The following TMPRSS7 variants were observed in gnomAD, a reference collection of about 807,000 sequenced individuals.
TMPRSS7 encodes transmembrane protease serine 7.
A neutral mutation model predicts 95.6 loss-of-function variants in TMPRSS7; 81 were observed. The ratio of observed to expected loss-of-function variants is 0.85; its 90% CI spans 0.71 to 1.02. TMPRSS7 has a LOEUF of 1.02. Among genes scored for constraint, TMPRSS7 ranks in the 50% least tolerant of loss-of-function variants. The pLI is 0.00. For missense variants in TMPRSS7, 945 were observed against 955.2 expected, an observed-to-expected ratio of 0.99 and a Z score of 0.14; for synonymous variants, 364 against 337.8, an observed-to-expected ratio of 1.08 and a Z score of -0.85.
rs531431043 is a variant in TMPRSS7 at position 112,049,707 on chromosome 3, G to T, written c.960-137G>T. ...TGTGGCTACTAATGGATGAGGATCT[G>T]GCTGGGAGAGATTCCCAAGAACTGA... On this transcript the variant is annotated intron_variant, in intron 7 of 17. Transcript: ENST00000452346. 1.1e-4 allele frequency: 74 copies of T among 651,350 alleles called. 1 individual carries two copies. 40.3% of individuals were successfully genotyped at this position (651,350 alleles called of 1,614,324 possible).
Position 112,038,662 on chromosome 3 carries a change from G to A in TMPRSS7, c.298+341G>A, listed in dbSNP as rs77864841. On this transcript the variant is annotated intron_variant, in intron 2 of 17. Coordinates refer to ENST00000452346, the Ensembl canonical transcript of TMPRSS7. ...AACTGGCTAACTTTTAAAGTTTGTT[G>A]TAGAGACAGAGTTCTCACTATGATG... Among the ~76,000 whole-genome samples the A allele has an allele frequency of 5.2e-4, 79 of 152,180 alleles. No homozygotes were observed. The East Asian group carries it at 9.1e-3, about 18-fold the overall frequency.
At chr3:112,063,916 A>T (rs980191079) in intron 12 of TMPRSS7, among the ~76,000 whole-genome samples, 1 of 152,106 alleles carries the variant, frequency 6.6e-6, no homozygotes, top group South Asian at 2.1e-4. Context: ...TCTACTTTTG[A>T]TGGCTCTTTT....
chr3:112,057,514 C>A (rs1056674402), intron 10 of TMPRSS7, among the ~76,000 whole-genome samples: 28 of 152,152 alleles, frequency 1.8e-4, no homozygotes, highest in Non-Finnish European at 4.4e-5. Flanking sequence ...CCCAGTTGGC[C>A]TGGCTGGATC....
chr3:112,037,483 T>C (rs1247110018), intron 1 of TMPRSS7, among the ~76,000 whole-genome samples: 1 of 152,236 alleles, frequency 6.6e-6, no homozygotes, highest in Non-Finnish European at 1.5e-5. Flanking sequence ...AATGACAATG[T>C]GTGCCCAGCA....
intron 9 of TMPRSS7, among the ~76,000 whole-genome samples, chr3:112,051,948 C>G (rs1404734389): frequency 6.6e-6 from 1 of 152,034 alleles, no homozygotes; most frequent in African/African-American, 2.4e-5. Flanking sequence ...TGAATGACTA[C>G]TATGGGCCAG....
intron 9 of TMPRSS7, among the ~76,000 whole-genome samples, chr3:112,051,571 C>G (rs947842790): frequency 4.1e-5 from 6 of 144,852 alleles, no homozygotes; most frequent in African/African-American, 1.7e-4. Flanking sequence ...ATCTATGTAT[C>G]TATCTATCTA....
intron 11 of TMPRSS7, among the ~76,000 whole-genome samples, chr3:112,062,128 A>T (rs1576113756): frequency 6.6e-6 from 1 of 151,716 alleles, no homozygotes; most frequent in Non-Finnish European, 1.5e-5. Flanking sequence ...TTACTACTAT[A>T]CTTTGAATTA....
chr3:112,054,104 A>G (rs1051225637), intron 9 of TMPRSS7, among the ~76,000 whole-genome samples: 2 of 152,200 alleles, frequency 1.3e-5, no homozygotes, highest in African/African-American at 4.8e-5. Context: ...GCTTCTGTGA[A>G]GGAAATATGC....
chr3:112,047,332 G>A (rs2073291603), intron 6 of TMPRSS7: 13 of 600,810 alleles, frequency 2.2e-5, no homozygotes, highest in South Asian at 2.0e-4. Context: ...CCACCAAGCA[G>A]ATCCAAACTT....
At chr3:112,072,355 G>A (rs2073659293) in intron 13 of TMPRSS7, among the ~76,000 whole-genome samples, 1 of 152,204 alleles carries the variant, frequency 6.6e-6, no homozygotes, top group Non-Finnish European at 1.5e-5. Flanking sequence ...TCCCAGAGGG[G>A]CACCCGCCTA....
rs558522935 is a variant in TMPRSS7 at position 112,052,589 on chromosome 3, T to A, written c.1203+1806T>A. ...GGCAGCAGAAATGCAGGGCCTCAGA[T>A]AAGCAGCAAGTCTGAGGAGGAGAGG... is the stretch of plus-strand genomic sequence containing the variant. On this transcript the variant is annotated intron_variant, in intron 9 of 17. Transcript: ENST00000452346. 1.1e-4 allele frequency among the ~76,000 whole-genome samples: 17 copies of A among 152,064 alleles called. No homozygotes were observed. In the South Asian group the frequency reaches 3.3e-3, roughly 30 times the overall value.
exon 9 of TMPRSS7, chr3:112,050,729 C>T (rs1387955610): frequency 6.2e-7 from 1 of 1,604,372 alleles, no homozygotes; most frequent in Non-Finnish European, 8.5e-7. Context: ...AAATTTCAAG[C>T]CCATATTACC....
intron 4 of TMPRSS7, 84 bp downstream of exon 4, chr3:112,044,406 A>G: frequency 1.7e-6 from 2 of 1,164,350 alleles, no homozygotes; most frequent in Non-Finnish European, 2.5e-6. Flanking sequence ...AGATTCCACC[A>G]TTCCCAAGTA....
At chr3:112,067,905 C>T (rs2073596115) in intron 13 of TMPRSS7, among the ~76,000 whole-genome samples, 6 of 152,160 alleles carry the variant, frequency 3.9e-5, no homozygotes, top group Admixed American at 3.9e-4. Flanking sequence ...AGTCCTTGCC[C>T]ATGCCTATGT....
chr3:112,063,086 C>T (rs1424610345), intron 11 of TMPRSS7, among the ~76,000 whole-genome samples: 1 of 152,196 alleles, frequency 6.6e-6, no homozygotes, highest in East Asian at 1.9e-4. Flanking sequence ...TTAAGACATA[C>T]AGGATAACTC....
intron 9 of TMPRSS7, among the ~76,000 whole-genome samples, chr3:112,054,961 G>T (rs936147431): frequency 6.6e-6 from 1 of 151,822 alleles, no homozygotes; most frequent in Admixed American, 6.6e-5. Context: ...GGATGGTCTC[G>T]ATCTCCTGAC....
In TMPRSS7 at chr3:112,054,729, C is replaced by CTTTTTTTTTTTTTTTTT. The variant is rs1161735611; in HGVS notation, c.1204-2283_1204-2267dup. Among the ~76,000 whole-genome samples, 32 of 49,026 alleles carry CTTTTTTTTTTTTTTTTT rather than the reference C, an allele frequency of 6.5e-4. 13 individuals are homozygous for CTTTTTTTTTTTTTTTTT. The highest frequency in any genetic ancestry group is 2.6e-3 in the East Asian group (3 of 1,136). The allele number at this position is 49,026 out of a possible 152,430, so 32.2% of individuals were successfully genotyped here. On this transcript the variant is annotated intron_variant, in intron 9 of 17. Transcript: ENST00000452346. The stretch of plus-strand genomic sequence containing the variant: ...AACATATTTACTATCTCTCAGTTTG[C>CTTTTTTTTTTTTTTTTT]TTTTTTTTTTTTTTTTTTTTTTTTT...
At chr3:112,052,035 G>T (rs556532372) in intron 9 of TMPRSS7, among the ~76,000 whole-genome samples, 8 of 152,190 alleles carry the variant, frequency 5.3e-5, no homozygotes, top group Non-Finnish European at 1.0e-4. Context: ...TGCTCTCATG[G>T]AGCTTACCTT....
Position 112,080,908 on chromosome 3 carries a change from G to A in TMPRSS7, c.2362-6G>A. ...TACTTTATACTTACATTTTTTGTGTGTGTAGGGAGATTCGGGTGGACCTTT... is the reference window on the plus strand; with the variant it reads ...TACTTTATACTTACATTTTTTGTGTATGTAGGGAGATTCGGGTGGACCTTT... On this transcript the variant is annotated splice_polypyrimidine_tract_variant and splice_region_variant and intron_variant, in intron 17 of 17. Coordinates refer to ENST00000452346, the Ensembl canonical transcript of TMPRSS7. 7.4e-6 allele frequency: 12 copies of A among 1,610,952 alleles called. No homozygotes were observed. Among genetic ancestry groups the A allele is most frequent in the Non-Finnish European group, 1.0e-5 (12 of 1,178,732 alleles).
Sources: gnomAD v4.1 joint callset for allele counts (sites outside exome capture counted in the v4.1 genomes callset) on GRCh38, gnomAD v4.1.1 for gene constraint, MANE v1.5 for transcripts, NCBI Gene and HGNC (gene_info 2026-07-23, HGNC 2026-07-21) for gene names.